Variants in PLEKHA6 observed in about 807,000 individuals in gnomAD.
PLEKHA6 encodes the protein pleckstrin homology domain-containing family A member 6.
PLEKHA6 carries 60 observed loss-of-function variants against 116.7 expected under a neutral mutation model. The ratio of observed to expected loss-of-function variants is 0.51; its 90% CI spans 0.42 to 0.64. The LOEUF is 0.64. Among genes scored for constraint, PLEKHA6 ranks in the 30% least tolerant of loss-of-function variants. PLEKHA6 has a pLI of 0.00. For synonymous variants in PLEKHA6, 489 were observed against 556.1 expected (o/e 0.88, Z 1.70); for missense variants, 1,338 against 1,422.7 (o/e 0.94, Z 0.96).
chr1:204,377,619 T>C (rs1276151597), exon 1 of PLEKHA6: 1 of 152,224 alleles, frequency 6.6e-6, no homozygotes, highest in Non-Finnish European at 1.5e-5. Flanking sequence ...GTCAACTCCG[T>C]AGGCCCACCG....
intron 1 of PLEKHA6, among the ~76,000 whole-genome samples, chr1:204,316,291 A>G (rs1465440818): frequency 6.6e-6 from 1 of 152,226 alleles, no homozygotes; most frequent in Non-Finnish European, 1.5e-5. Flanking sequence ...TGGTTGGGTA[A>G]GAACCTGACT....
At chr1:204,369,423 T>G (rs1673731245) in intron 2 of PLEKHA6, 1 of 152,188 alleles carries the variant, frequency 6.6e-6, no homozygotes, top group African/African-American at 2.4e-5. Flanking sequence ...TCTGTCTCTG[T>G]GGGAGGACGT....
chr1:204,316,872 G>A (rs375193154), intron 1 of PLEKHA6, among the ~76,000 whole-genome samples: 7 of 152,162 alleles, frequency 4.6e-5, no homozygotes, highest in Non-Finnish European at 8.8e-5. Context: ...TTTACCAGGC[G>A]CAACTAGGGC....
intron 1 of PLEKHA6, among the ~76,000 whole-genome samples, chr1:204,279,337 T>A (rs781488395): frequency 3.3e-5 from 5 of 152,158 alleles, no homozygotes; most frequent in Non-Finnish European, 5.9e-5. Context: ...CTCCTAGGAA[T>A]TAAGTCTGCA....
rs982073124 is a variant in PLEKHA6, at chr1:204,274,737, G to A, written c.-22C>T. 17 of 985,816 alleles carry A rather than the reference G, an allele frequency of 1.7e-5. No homozygotes were observed. The highest frequency in any genetic ancestry group is 9.4e-5 in the South Asian group (2 of 21,292). 61.1% of individuals were successfully genotyped at this position (985,816 alleles called of 1,614,324 possible). The stretch of plus-strand genomic sequence containing the variant: ...GTAGGGGACACACTTACATTTTCAA[G>A]TCAAATTTTTTGTTTTCCTCTGGGA... On this transcript the variant is annotated 5_prime_UTR_variant, in exon 2 of 23. Coordinates refer to ENST00000272203, the MANE Select transcript of PLEKHA6 (RefSeq NM_014935.5).
chr1:204,325,869 A>G, intron 1 of PLEKHA6: 4 of 979,644 alleles, frequency 4.1e-6, no homozygotes, highest in Non-Finnish European at 2.4e-6. Context: ...GAAGGGCAGC[A>G]TGGGGAGAAG....
At chr1:204,243,244 G>A (rs1376342804) in intron 15 of PLEKHA6, 1 of 399,612 alleles carries the variant, frequency 2.5e-6, no homozygotes, top group Non-Finnish European at 4.4e-6. Context: ...GGGGAGGGGA[G>A]GCCGAGGCGG....
chr1:204,241,258 C>A, intron 17 of PLEKHA6, 117 bp downstream of exon 17: 1 of 666,812 alleles, frequency 1.5e-6, no homozygotes, highest in Non-Finnish European at 2.6e-6. Context: ...TCACGTGTTC[C>A]ACCTTCCTCT....
chr1:204,236,133 G>T (rs754731030), intron 17 of PLEKHA6, among the ~76,000 whole-genome samples: 2 of 152,186 alleles, frequency 1.3e-5, no homozygotes, highest in Non-Finnish European at 2.9e-5. Flanking sequence ...GTGGGATAAT[G>T]GTGGAAGGAA....
intron 1 of PLEKHA6, among the ~76,000 whole-genome samples, chr1:204,334,672 G>A (rs1269624594): frequency 6.6e-6 from 1 of 152,134 alleles, no homozygotes; most frequent in Admixed American, 6.5e-5. Flanking sequence ...GTCAGGGTGG[G>A]TGGATCACTT....
At chr1:204,290,991 A>AC (rs1465329876) in intron 1 of PLEKHA6, among the ~76,000 whole-genome samples, 1 of 149,462 alleles carries the variant, frequency 6.7e-6, no homozygotes, top group Non-Finnish European at 1.5e-5. Context: ...CCTGTCTCAA[A>AC]AAAAAAAAAA....
intron 8 of PLEKHA6, among the ~76,000 whole-genome samples, chr1:204,258,078 G>C (rs1558082353): frequency 1.3e-5 from 2 of 152,166 alleles, no homozygotes; most frequent in South Asian, 4.1e-4. Flanking sequence ...GCACCATTCA[G>C]AGCTTCAATC....
chr1:204,266,515 C>G (rs1209080354), intron 5 of PLEKHA6, among the ~76,000 whole-genome samples: 2 of 152,162 alleles, frequency 1.3e-5, no homozygotes, highest in Non-Finnish European at 2.9e-5. Context: ...CGGTCCTGGG[C>G]CTGGGCAGAT....
intron 1 of PLEKHA6, among the ~76,000 whole-genome samples, chr1:204,329,724 C>T (rs2103263838): frequency 6.6e-6 from 1 of 152,230 alleles, no homozygotes; most frequent in South Asian, 2.1e-4. Context: ...GATGAGGATG[C>T]AATCAGCCAA....
chr1:204,251,835 C>T (rs1664608526), intron 9 of PLEKHA6, among the ~76,000 whole-genome samples: 1 of 152,200 alleles, frequency 6.6e-6, no homozygotes, highest in Admixed American at 6.5e-5. Flanking sequence ...CCACTGGGAC[C>T]TTGCTGGAGG....
chr1:204,255,493 A>G, intron 9 of PLEKHA6: 1 of 620,486 alleles, frequency 1.6e-6, no homozygotes, highest in Admixed American at 2.7e-5. Context: ...AAACCAAAAC[A>G]TAAGCCACTT....
In PLEKHA6 at chr1:204,257,963, G is replaced by A; in HGVS notation, c.1008-94C>T. On this transcript the variant is annotated intron_variant, in intron 8 of 22. Coordinates refer to ENST00000272203, the MANE Select transcript of PLEKHA6 (RefSeq NM_014935.5). This position sits in a 1 kb window ranked among gnomAD's most constrained non-coding sequence, Gnocchi z 6.5. ...CTCCAGGTCCCCCAGCCTAGAGCAG[G>A]GTGCTTGAATAGGTACACAGGGGCT... 1 of 1,192,780 alleles carries A rather than the reference G, an allele frequency of 8.4e-7. No homozygotes were observed. The highest frequency in any genetic ancestry group is 1.2e-6 in the Non-Finnish European group (1 of 844,890). The allele number at this position is 1,192,780 out of a possible 1,614,324, so 73.9% of individuals were successfully genotyped here. A position where few individuals can be genotyped will look rare whatever the true frequency, so the allele number is the denominator to read the frequency against.
chr1:204,324,936 G>T (rs1316089462), intron 1 of PLEKHA6, among the ~76,000 whole-genome samples: 2 of 151,860 alleles, frequency 1.3e-5, no homozygotes, highest in Non-Finnish European at 2.9e-5. Flanking sequence ...ATTTATTTTT[G>T]AGATGGGGTC....
chr1:204,365,168 A>AG (rs1367190506), intron 3 of PLEKHA6, among the ~76,000 whole-genome samples: 3 of 151,860 alleles, frequency 2.0e-5, no homozygotes, highest in Non-Finnish European at 4.4e-5. Context: ...GAGGCTGGGA[A>AG]GGGGGGCGGG....
Sources: gnomAD v4.1 joint callset for allele counts (sites outside exome capture counted in the v4.1 genomes callset) on GRCh38, gnomAD v4.1.1 for gene constraint, Gnocchi (gnomAD v3.1) non-coding constraint, MANE v1.5 for transcripts, NCBI Gene and HGNC (gene_info 2026-07-23, HGNC 2026-07-21) for gene names.